The following CACNA1C variants were observed in gnomAD, a reference collection of about 807,000 sequenced individuals.
CACNA1C encodes the protein calcium voltage-gated channel subunit alpha1 C.
Under a neutral mutation model 229.0 loss-of-function variants are expected in CACNA1C, and 30 were observed. That is an observed-to-expected ratio of 0.13 (90% confidence interval 0.10 to 0.18). The LOEUF (loss-of-function observed/expected upper bound fraction) is 0.18. CACNA1C is among the 10% of genes least tolerant of loss of function. The pLI is 1.00. For synonymous variants in CACNA1C, 1,114 were observed against 1,132.5 expected, an observed-to-expected ratio of 0.98 and a Z score of 0.33; for missense variants, 1,658 against 2,845.0, an observed-to-expected ratio of 0.58 and a Z score of 9.49.
intron 34 of CACNA1C, among the ~76,000 whole-genome samples, chr12:2,663,429 A>G (rs1018593056): frequency 7.2e-5 from 11 of 152,252 alleles, no homozygotes; most frequent in Non-Finnish European, 4.4e-5. Context: ...TTAAAGAACT[A>G]AAAGTAGACC....
chr12:2,386,437 A>G lies in CACNA1C; in HGVS notation c.478-62539A>G, dbSNP rs141656063. Reference sequence around the variant, plus strand: ...CCAACTTTCTTCAGTCCTGCCACACACAACCAACTGCAGTGGCCCAAACAC... The same window carrying G: ...CCAACTTTCTTCAGTCCTGCCACACGCAACCAACTGCAGTGGCCCAAACAC... On this transcript the variant is annotated intron_variant, in intron 3 of 46. Transcript: ENST00000399655. Among the ~76,000 whole-genome samples, 834 of 152,234 alleles carry G rather than the reference A, an allele frequency of 5.5e-3. 4 individuals carry two copies. Among genetic ancestry groups the G allele is most frequent in the African/African-American group, 0.019 (797 of 41,536 alleles).
intron 3 of CACNA1C, among the ~76,000 whole-genome samples, chr12:2,226,581 C>T (rs553430671): frequency 6.6e-6 from 1 of 152,230 alleles, no homozygotes; most frequent in Admixed American, 6.5e-5. Context: ...TTTTAAATTA[C>T]TATTTTGTGT....
Position 2,584,633 on chromosome 12 carries a change from T to C in CACNA1C, c.2339+16T>C, listed in dbSNP as rs540949447. 4.5e-6 allele frequency: 7 copies of C among 1,553,066 alleles called. No individual in the cohort carries two copies. In the African/African-American group the frequency reaches 5.4e-5, roughly 12 times the overall value. Reference sequence around the variant, plus strand: ...AGCTGGCCAGGTAACCCTCTAAGCTTGCCCAGGCCTGGGGCTCCAGGGCTC... The same window carrying C: ...AGCTGGCCAGGTAACCCTCTAAGCTCGCCCAGGCCTGGGGCTCCAGGGCTC... On this transcript the variant is annotated intron_variant, in intron 16 of 46. Coordinates refer to ENST00000399655, the MANE Select transcript of CACNA1C (RefSeq NM_000719.7).
chr12:2,348,387 G>A lies in CACNA1C; in HGVS notation c.478-100589G>A, dbSNP rs774902841. Among the ~76,000 whole-genome samples, 1 of 152,274 alleles carries A rather than the reference G, an allele frequency of 6.6e-6. No individual in the cohort carries two copies. The highest frequency in any genetic ancestry group is 2.1e-4 in the South Asian group (1 of 4,816). On this transcript the variant is annotated intron_variant, in intron 3 of 46. Transcript: ENST00000399655. This position sits in a 1 kb window ranked among gnomAD's most constrained non-coding sequence, Gnocchi z 4.7. ...CTCCCGGCCCACGACTGAGTCACGC[G>A]GCTTCTTAGCAACTTAGTCAATCCA...
intron 3 of CACNA1C, among the ~76,000 whole-genome samples, chr12:2,352,301 T>G (rs1252669798): frequency 1.3e-5 from 2 of 152,204 alleles, no homozygotes; most frequent in Non-Finnish European, 2.9e-5. Context: ...AAGGTCTGTA[T>G]GGTGAGACCT....
intron 5 of CACNA1C, among the ~76,000 whole-genome samples, chr12:2,482,476 C>T (rs2099680079): frequency 6.6e-6 from 1 of 152,244 alleles, no homozygotes. Context: ...CCACTCTTCT[C>T]ATCAGAAACA....
intron 39 of CACNA1C, chr12:2,676,329 G>C (rs576599272): frequency 1.3e-5 from 2 of 151,922 alleles, no homozygotes. Context: ...AGGAGGAGGA[G>C]AACCCTCACC....
rs779699128 is a variant in CACNA1C, at chr12:2,665,107, G to A, written c.4398+117G>A. The A allele has an allele frequency of 1.8e-6, 2 of 1,096,290 alleles. No homozygotes were observed. Among genetic ancestry groups the A allele is most frequent in the Non-Finnish European group, 2.7e-6 (2 of 754,150 alleles). 67.9% of individuals were successfully genotyped at this position (1,096,290 alleles called of 1,614,324 possible). ...CAACCCTATCAGAGGAGCTGGCTTG[G>A]GAAGACTAAGTTGGCAGGAGTGTCC... is the stretch of plus-strand genomic sequence containing the variant. On this transcript the variant is annotated intron_variant, in intron 35 of 46. Coordinates refer to ENST00000399655, the MANE Select transcript of CACNA1C (RefSeq NM_000719.7). This position sits in a 1 kb window ranked among gnomAD's most constrained non-coding sequence, Gnocchi z 5.9.
intron 3 of CACNA1C, among the ~76,000 whole-genome samples, chr12:2,333,773 G>A (rs375401940): frequency 1.3e-5 from 2 of 152,206 alleles, no homozygotes; most frequent in Non-Finnish European, 2.9e-5. Context: ...AGAGCCTGGA[G>A]AAGAAATGCC....
intron 8 of CACNA1C, among the ~76,000 whole-genome samples, chr12:2,507,680 T>C (rs1393300745): frequency 1.3e-5 from 2 of 152,248 alleles, no homozygotes; most frequent in Non-Finnish European, 2.9e-5. Context: ...TTCGCTCAGT[T>C]AATGCTCATG....
intron 3 of CACNA1C, among the ~76,000 whole-genome samples, chr12:2,419,818 A>G (rs1009281): frequency 0.47 from 71,230 of 152,038 alleles, 16,998 homozygotes; most frequent in African/African-American, 0.53. Context: ...TTGACTCTGC[A>G]ATCCAACCTC....
chr12:2,447,445 G>A (rs1596497099), intron 3 of CACNA1C, among the ~76,000 whole-genome samples: 1 of 152,148 alleles, frequency 6.6e-6, no homozygotes, highest in East Asian at 1.9e-4. Flanking sequence ...GTTCTTCCGG[G>A]TACCTCAGAA....
At chr12:2,686,295 C>T in intron 45 of CACNA1C, 26 bp downstream of exon 45, 1 of 1,519,740 alleles carries the variant, frequency 6.6e-7, no homozygotes, top group Non-Finnish European at 9.1e-7. Flanking sequence ...GGACAGGCCA[C>T]TGTCACCTGC....
Position 2,410,690 on chromosome 12 carries a change from T to C in CACNA1C, c.478-38286T>C, listed in dbSNP as rs910351733. 1.3e-5 allele frequency among the ~76,000 whole-genome samples: 2 copies of C among 148,542 alleles called. No individual in the cohort carries two copies. The highest frequency in any genetic ancestry group is 2.5e-5 in the African/African-American group (1 of 39,594). On this transcript the variant is annotated intron_variant, in intron 3 of 46. Transcript: ENST00000399655. This position sits in a 1 kb window ranked among gnomAD's most constrained non-coding sequence, Gnocchi z 5.3. ...CAGGAGCTGACTCTAGCTGTGAGGA[T>C]GGCTCGCCTGTGTGTGTGTGTGTGC...
chr12:1,972,826 GAGGA>G (rs2032909301), intron 1 of CACNA1C, among the ~76,000 whole-genome samples: 1 of 152,104 alleles, frequency 6.6e-6, no homozygotes. Context: ...GGAGATCAGT[GAGGA>G]AGGGAGGGAG....
intron 3 of CACNA1C, among the ~76,000 whole-genome samples, chr12:2,411,918 C>A (rs569332635): frequency 6.6e-6 from 1 of 152,332 alleles, no homozygotes; most frequent in Admixed American, 6.5e-5. Flanking sequence ...AAGGGGAAGG[C>A]GTTTGACTTA....
At chr12:2,212,948 T>C (rs145380685) in intron 3 of CACNA1C, among the ~76,000 whole-genome samples, 2 of 152,320 alleles carry the variant, frequency 1.3e-5, no homozygotes, top group East Asian at 3.9e-4. Context: ...ATTAACACAT[T>C]GCTCAGTGAT....
At chr12:1,986,974 C>T (rs2037980552) in intron 1 of CACNA1C, among the ~76,000 whole-genome samples, 1 of 152,066 alleles carries the variant, frequency 6.6e-6, no homozygotes, top group African/African-American at 2.4e-5. Context: ...CCAAGTAACA[C>T]ATAATGAAAG....
At chr12:2,234,890 C>T (rs150230457) in intron 3 of CACNA1C, among the ~76,000 whole-genome samples, 21 of 152,172 alleles carry the variant, frequency 1.4e-4, no homozygotes, top group African/African-American at 4.3e-4. Flanking sequence ...ATAGAAGTGA[C>T]GAGCGATTCT....
Sources: allele counts gnomAD v4.1 joint callset (sites outside exome capture counted in the v4.1 genomes callset), GRCh38; gene constraint gnomAD v4.1.1; non-coding constraint Gnocchi (gnomAD v3.1); transcripts MANE v1.5; gene names NCBI Gene and HGNC (gene_info 2026-07-23, HGNC 2026-07-21).